Variants in ZNF16 observed in about 807,000 individuals in gnomAD.
The protein encoded by ZNF16 is zinc finger protein 16, also known as zinc finger protein KOX9.
Under a neutral mutation model 9.0 loss-of-function variants are expected in ZNF16, and 7 were observed. The ratio of observed to expected loss-of-function variants is 0.78; its 90% CI spans 0.44 to 1.47. The LOEUF is 1.47. Ranked by LOEUF, ZNF16 falls within the 40% of genes most tolerant of loss-of-function variation. The pLI is 0.01. For synonymous variants in ZNF16, 312 were observed against 301.5 expected (o/e 1.03, Z -0.36); for missense variants, 830 against 854.2 (o/e 0.97, Z 0.35).
chr8:144,950,269 TAATC>T (rs1352024260), intron 1 of ZNF16: 2 of 152,232 alleles, frequency 1.3e-5, no homozygotes, highest in African/African-American at 2.4e-5. Flanking sequence ...ATGAAAATAA[TAATC>T]AATAAAAACT....
At chr8:144,940,300 C>T (rs1277381786) in intron 2 of ZNF16, among the ~76,000 whole-genome samples, 4 of 152,126 alleles carry the variant, frequency 2.6e-5, no homozygotes, top group African/African-American at 4.8e-5. Flanking sequence ...AGGCTGGTCT[C>T]GAACTCCTGG....
At chr8:144,949,786 G>A (rs1025520360) in intron 1 of ZNF16, among the ~76,000 whole-genome samples, 8 of 152,174 alleles carry the variant, frequency 5.3e-5, no homozygotes, top group African/African-American at 1.9e-4. Flanking sequence ...GGAAAGCCGG[G>A]TATTGTCCAA....
chr8:144,941,814 G>A (rs558007464), intron 2 of ZNF16, among the ~76,000 whole-genome samples: 15 of 140,820 alleles, frequency 1.1e-4, no homozygotes, highest in African/African-American at 1.6e-4. Flanking sequence ...GGGTGCCATC[G>A]TGCCCGGCTA....
intron 1 of ZNF16, chr8:144,950,546 C>G (rs1162431980): frequency 6.6e-6 from 1 of 152,190 alleles, no homozygotes; most frequent in Non-Finnish European, 1.5e-5. Context: ...GCGACCTTAC[C>G]CCGGGGTCTC....
intron 2 of ZNF16, among the ~76,000 whole-genome samples, chr8:144,943,237 T>C (rs1372340417): frequency 1.3e-5 from 2 of 152,194 alleles, no homozygotes; most frequent in Admixed American, 1.3e-4. Context: ...CCAGAACCCC[T>C]TGTTCAGGGA....
At chr8:144,949,580 C>T (rs1473638401) in intron 1 of ZNF16, among the ~76,000 whole-genome samples, 1 of 152,196 alleles carries the variant, frequency 6.6e-6, no homozygotes. Flanking sequence ...TTTGCCCCAG[C>T]CACTTTGCCA....
At chr8:144,942,807 A>C (rs1833836908) in intron 2 of ZNF16, among the ~76,000 whole-genome samples, 1 of 152,240 alleles carries the variant, frequency 6.6e-6, no homozygotes, top group African/African-American at 2.4e-5. Context: ...TTTGTTCTTT[A>C]GATCACTTAG....
chr8:144,950,521 G>C (rs915345869), intron 1 of ZNF16: 4 of 152,198 alleles, frequency 2.6e-5, no homozygotes, highest in African/African-American at 9.7e-5. Flanking sequence ...CGGAGTCCTG[G>C]CTCGGCCCCT....
rs939664780 is a variant in ZNF16, at chr8:144,933,256, C to T, written c.197-666G>A. On this transcript the variant is annotated intron_variant, in intron 2 of 2. Transcript: ENST00000394909. This position sits in a 1 kb window ranked among gnomAD's most constrained non-coding sequence, Gnocchi z 5.6. The stretch of plus-strand genomic sequence containing the variant: ...TTCAACCACTCCTGTGCGGCAGGGA[C>T]CTGTGTGGAACATCAGATTCCATCC... Among the ~76,000 whole-genome samples, 2 of 152,120 alleles carry T rather than the reference C, an allele frequency of 1.3e-5. No individual in the cohort carries two copies. The highest frequency in any genetic ancestry group is 4.8e-5 in the African/African-American group (2 of 41,406).
At position 144,946,122 on chromosome 8, in the gene ZNF16, C is replaced by G; in HGVS notation, c.85G>C (p.Ala29Pro). 2 of 1,608,012 alleles carry G rather than the reference C, an allele frequency of 1.2e-6. No individual in the cohort carries two copies. Among genetic ancestry groups the G allele is most frequent in the East Asian group, 2.2e-5 (1 of 44,728 alleles). ...ACAGCAGGAGCATCTCTCACACGGG[C>G]CTGGGCTGCAGGGGTCCAGGGGGAT... ...GPSPWTPAAQ[A>P]RVRDAPAVTH... Residue 29 changes from alanine to proline, a missense_variant, in exon 2 of 3, where the codon GCC becomes CCC. By Grantham distance (27) the Ala-to-Pro change is conservative. Transcript: ENST00000394909.
Position 144,931,864 on chromosome 8 carries a change from AG to A in ZNF16, c.922del (p.Lys310SerfsTer7). On this transcript the variant is annotated frameshift_variant, in exon 3 of 3. Coordinates refer to ENST00000394909, the MANE Select transcript of ZNF16 (RefSeq NM_006958.3). LOFTEE classifies it low-confidence loss of function (END_TRUNC). ...CGKAFSQNSS[L>X]KKHQKSHMSE... is the part of the protein sequence containing the mutation. ...CATGTGAGACTTTTGGTGCTTTTTA[AG>A]GCTCGAGTTCTGGCTGAAGGCTTTT... 6.2e-7 allele frequency: 1 copy of A among 1,614,208 alleles called. No homozygotes were observed.
intron 1 of ZNF16, among the ~76,000 whole-genome samples, chr8:144,946,432 A>AG (rs141981588): frequency 0.02 from 2,996 of 151,992 alleles, 77 homozygotes; most frequent in African/African-American, 0.061. Context: ...CCAGGGCCAC[A>AG]GTACAAAGGG....
At chr8:144,934,867 A>G (rs1833644151) in intron 2 of ZNF16, among the ~76,000 whole-genome samples, 3 of 152,192 alleles carry the variant, frequency 2.0e-5, no homozygotes, top group Admixed American at 2.0e-4. Flanking sequence ...AACCCTTAAA[A>G]AACACCTCAA....
At chr8:144,949,291 C>T (rs1208043727) in intron 1 of ZNF16, among the ~76,000 whole-genome samples, 3 of 152,242 alleles carry the variant, frequency 2.0e-5, no homozygotes, top group Non-Finnish European at 2.9e-5. Context: ...CCACTACTGA[C>T]TGGGCCTCCC....
intron 1 of ZNF16, among the ~76,000 whole-genome samples, chr8:144,946,852 G>A (rs201553096): frequency 0.046 from 3,611 of 79,054 alleles, 70 homozygotes; most frequent in Middle Eastern, 0.074. Flanking sequence ...TTGGGCCTGT[G>A]TCCTGCTGTT....
At chr8:144,945,960 A>C in intron 2 of ZNF16, 51 bp downstream of exon 2, 1 of 1,605,724 alleles carries the variant, frequency 6.2e-7, no homozygotes, top group Non-Finnish European at 8.5e-7. Flanking sequence ...GGTTCCATGG[A>C]CATCACTTCC....
chr8:144,932,107 C>T lies in ZNF16; in HGVS notation c.680G>A (p.Arg227His), dbSNP rs3735786. Reference sequence around the variant, plus strand: ...AGCCTCCCCAGTGTGGACTATTTGACGCTGAATAAGGTCAGGATTTCCTTG... The same window carrying T: ...AGCCTCCCCAGTGTGGACTATTTGATGCTGAATAAGGTCAGGATTTCCTTG... ...TFQGNPDLIQ[R>H]QIVHTGEASF... The change falls in exon 3 of 3, where the codon CGT (arginine) becomes CAT (histidine). Residue 227 changes from arginine (R) to histidine (H), a missense_variant. Physicochemically the swap from Arg to His is conservative, Grantham distance 29. Transcript: ENST00000394909. This position sits in a 1 kb window ranked among gnomAD's most constrained non-coding sequence, Gnocchi z 5.0. The T allele has an allele frequency of 6.4e-4, 1,025 of 1,614,080 alleles. 5 individuals are homozygous for T. The African/African-American group carries it at 8.6e-3, about 14-fold the overall frequency.
At chr8:144,945,473 A>G (rs1015859440) in intron 2 of ZNF16, 1 of 152,312 alleles carries the variant, frequency 6.6e-6, no homozygotes, top group Admixed American at 6.5e-5. Context: ...GGGTCTTGCC[A>G]TGTTATACTG....
At chr8:144,946,592 T>C (rs36162234) in intron 1 of ZNF16, among the ~76,000 whole-genome samples, 3,524 of 79,374 alleles carry the variant, frequency 0.044, 193 homozygotes, top group African/African-American at 0.13. Flanking sequence ...CTGCTGTGGG[T>C]CTGTATCCTG....
Sources: gnomAD v4.1 joint callset for allele counts (sites outside exome capture counted in the v4.1 genomes callset) on GRCh38, gnomAD v4.1.1 for gene constraint, Gnocchi (gnomAD v3.1) non-coding constraint, MANE v1.5 for transcripts, NCBI Gene and HGNC (gene_info 2026-07-23, HGNC 2026-07-21) for gene names.